The following PPP2R2B variants were observed in gnomAD, a reference collection of about 807,000 sequenced individuals.
The protein encoded by PPP2R2B is serine/threonine-protein phosphatase 2A 55 kDa regulatory subunit B beta isoform.
A neutral mutation model predicts 46.0 loss-of-function variants in PPP2R2B; 5 were observed. That is an observed-to-expected ratio of 0.11 (90% CI 0.06 to 0.23). PPP2R2B has a LOEUF of 0.23. PPP2R2B is among the 10% of genes least tolerant of loss of function. The pLI is 1.00. For missense variants in PPP2R2B, 367 were observed against 575.0 expected (o/e 0.64, Z 3.70); for synonymous variants, 215 against 206.7 (o/e 1.04, Z -0.34).
At chr5:146,674,082 C>T (rs1164105980) in intron 5 of PPP2R2B, among the ~76,000 whole-genome samples, 1 of 152,128 alleles carries the variant, frequency 6.6e-6, no homozygotes, top group Admixed American at 6.6e-5. Context: ...CTGGAGTCTC[C>T]CAGTTATCTC....
chr5:146,871,233 T>C (rs1340989093), intron 2 of PPP2R2B, among the ~76,000 whole-genome samples: 2 of 152,200 alleles, frequency 1.3e-5, no homozygotes, highest in East Asian at 3.9e-4. Context: ...GCCTCAGACA[T>C]CTACATATTT....
chr5:146,665,498 C>T (rs190800447), intron 5 of PPP2R2B, among the ~76,000 whole-genome samples: 100 of 152,332 alleles, frequency 6.6e-4, no homozygotes, highest in Admixed American at 4.7e-3. Context: ...GGTTAGACTT[C>T]GGCTTAAGGA....
At chr5:146,590,887 G>A (rs1581657747) in intron 9 of PPP2R2B, among the ~76,000 whole-genome samples, 1 of 152,150 alleles carries the variant, frequency 6.6e-6, no homozygotes, top group African/African-American at 2.4e-5. Flanking sequence ...AAGAATCTGG[G>A]ATGGAGAAAT....
intron 2 of PPP2R2B, among the ~76,000 whole-genome samples, chr5:146,857,689 A>T (rs1289401965): frequency 2.1e-5 from 3 of 146,242 alleles, no homozygotes; most frequent in Non-Finnish European, 3.0e-5. Context: ...AACTGTACTA[A>T]TTTTTTTTTT....
At chr5:146,790,706 C>T (rs1361424248) in intron 2 of PPP2R2B, among the ~76,000 whole-genome samples, 1 of 152,204 alleles carries the variant, frequency 6.6e-6, no homozygotes, top group Non-Finnish European at 1.5e-5. Context: ...CTGTGATAAA[C>T]CTCACACTCT....
At chr5:146,836,642 T>C (rs1733691072) in intron 2 of PPP2R2B, among the ~76,000 whole-genome samples, 1 of 152,214 alleles carries the variant, frequency 6.6e-6, no homozygotes, top group Non-Finnish European at 1.5e-5. Context: ...AATAACCTGG[T>C]CTCTGTCATT....
At chr5:146,640,256 A>C (rs190662495) in intron 6 of PPP2R2B, among the ~76,000 whole-genome samples, 199 of 152,364 alleles carry the variant, frequency 1.3e-3, no homozygotes, top group African/African-American at 4.6e-3. Context: ...CTAACAGTAC[A>C]TGTTACTACA....
At chr5:146,970,455 G>A (rs1163113340) in intron 1 of PPP2R2B, among the ~76,000 whole-genome samples, 1 of 152,054 alleles carries the variant, frequency 6.6e-6, no homozygotes, top group Admixed American at 6.6e-5. Flanking sequence ...AATTAGCCAT[G>A]CGTGGTGGCG....
At chr5:146,655,993 C>A (rs461623) in intron 5 of PPP2R2B, among the ~76,000 whole-genome samples, 126,975 of 152,064 alleles carry the variant, frequency 0.84, 53,852 homozygotes, top group Non-Finnish European at 0.9. Context: ...ATACACATAA[C>A]GATGGGTAAC....
chr5:146,713,424 A>G (rs1460186140), intron 2 of PPP2R2B, among the ~76,000 whole-genome samples: 2 of 152,238 alleles, frequency 1.3e-5, no homozygotes, highest in Non-Finnish European at 2.9e-5. Context: ...ACCAAACTGT[A>G]TACTGAAAAA....
chr5:147,031,570 G>C (rs1009897495), intron 1 of PPP2R2B, among the ~76,000 whole-genome samples: 2 of 151,650 alleles, frequency 1.3e-5, no homozygotes, highest in African/African-American at 4.8e-5. Context: ...ATCTCAGCTG[G>C]TATCTCCTCA....
At chr5:146,724,501 T>C (rs575941004) in intron 2 of PPP2R2B, among the ~76,000 whole-genome samples, 16 of 152,310 alleles carry the variant, frequency 1.1e-4, no homozygotes, top group African/African-American at 3.8e-4. Context: ...ATGGTAGCTA[T>C]TCTTATCAGA....
At chr5:146,718,179 G>A (rs1444637955) in intron 2 of PPP2R2B, among the ~76,000 whole-genome samples, 2 of 151,938 alleles carry the variant, frequency 1.3e-5, no homozygotes, top group South Asian at 2.1e-4. Context: ...TAGTAGACAT[G>A]CAAGCATTGT....
chr5:146,893,902 C>T (rs749499373), intron 1 of PPP2R2B, among the ~76,000 whole-genome samples: 6 of 144,604 alleles, frequency 4.1e-5, no homozygotes, highest in Non-Finnish European at 4.5e-5. Flanking sequence ...AAAAAAAAGC[C>T]GGGCATGGTG....
At chr5:146,785,293 C>T (rs1214088812) in intron 2 of PPP2R2B, among the ~76,000 whole-genome samples, 4 of 152,064 alleles carry the variant, frequency 2.6e-5, no homozygotes, top group African/African-American at 9.7e-5. Context: ...ATGCCTGTAA[C>T]CCAAGCACTC....
At chr5:146,913,759 T>C (rs1464891906) in intron 1 of PPP2R2B, among the ~76,000 whole-genome samples, 1 of 152,194 alleles carries the variant, frequency 6.6e-6, no homozygotes, top group Admixed American at 6.5e-5. Context: ...ATCATTCAAC[T>C]TTAAGGACTA....
At chr5:146,794,298 TAAATA>T (rs1756387170) in intron 2 of PPP2R2B, among the ~76,000 whole-genome samples, 1 of 152,356 alleles carries the variant, frequency 6.6e-6, no homozygotes, top group African/African-American at 2.4e-5. Flanking sequence ...GTCATGTTAG[TAAATA>T]AAATAACCTT....
At chr5:146,752,197 A>G (rs1753597100) in intron 2 of PPP2R2B, among the ~76,000 whole-genome samples, 1 of 152,100 alleles carries the variant, frequency 6.6e-6, no homozygotes, top group Admixed American at 6.5e-5. Context: ...AGACGCTGTC[A>G]AGGTAGAGAT....
intron 2 of PPP2R2B, among the ~76,000 whole-genome samples, chr5:146,742,265 A>C (rs7710355): frequency 0.084 from 12,812 of 152,126 alleles, 1,181 homozygotes; most frequent in African/African-American, 0.23. Context: ...ATGCGCATGA[A>C]GCCTCTGATG....
Sources: allele counts gnomAD v4.1 joint callset (sites outside exome capture counted in the v4.1 genomes callset), GRCh38; gene constraint gnomAD v4.1.1; transcripts MANE v1.5; gene names NCBI Gene and HGNC (gene_info 2026-07-23, HGNC 2026-07-21).